The following UGT1A6 variants were observed in gnomAD, a reference collection of about 807,000 sequenced individuals.
UGT1A6 encodes the protein UDP-glucuronosyltransferase 1A6.
Under a neutral mutation model 44.4 loss-of-function variants are expected in UGT1A6, and 32 were observed. That is an observed-to-expected ratio of 0.72 (90% confidence interval 0.54 to 0.97). The LOEUF is 0.97. Among genes scored for constraint, UGT1A6 ranks in the 50% least tolerant of loss-of-function variants. UGT1A6 has a pLI of 0.00. For synonymous variants in UGT1A6, 238 were observed against 248.5 expected, an observed-to-expected ratio of 0.96 and a Z score of 0.40; for missense variants, 685 against 661.9, an observed-to-expected ratio of 1.03 and a Z score of -0.38.
intron 1 of UGT1A6, among the ~76,000 whole-genome samples, chr2:233,756,740 T>G (rs1165580582): frequency 6.6e-6 from 1 of 152,136 alleles, no homozygotes; most frequent in Non-Finnish European, 1.5e-5. Flanking sequence ...CTTCACCTCC[T>G]CCTTATTCTC....
At position 233,713,085 on chromosome 2, in the gene UGT1A6, C is replaced by T. The variant is rs148617766; in HGVS notation, c.861+19220C>T. On this transcript the variant is annotated intron_variant, in intron 1 of 4. Transcript: ENST00000305139. ...GCCCTGGGCTGAGAGTGGGAAGGTGCTGGTGGTGCCCACTGATGGCAGCCA... is the reference window on the plus strand; with the variant it reads ...GCCCTGGGCTGAGAGTGGGAAGGTGTTGGTGGTGCCCACTGATGGCAGCCA... 296 of 1,614,186 alleles carry T rather than the reference C, an allele frequency of 1.8e-4. No homozygotes were observed. In the African/African-American group the frequency reaches 3.6e-3, roughly 19 times the overall value.
At chr2:233,746,988 A>C (rs1194642713) in intron 1 of UGT1A6, among the ~76,000 whole-genome samples, 1 of 151,882 alleles carries the variant, frequency 6.6e-6, no homozygotes, top group Non-Finnish European at 1.5e-5. Context: ...GCGCAGGGTC[A>C]GATGAGTTTT....
Position 233,694,053 on chromosome 2 carries a change from G to A in UGT1A6, c.861+188G>A, listed in dbSNP as rs1403841501. Among the ~76,000 whole-genome samples the A allele has an allele frequency of 5.3e-5, 8 of 152,180 alleles. No homozygotes were observed. The South Asian group carries it at 8.3e-4, about 16-fold the overall frequency. ...AGGCTGAAGTGATACAGAGGCATTC[G>A]GATGAAGACAGGGCTCATGCTTGGC... On this transcript the variant is annotated intron_variant, in intron 1 of 4. Coordinates refer to ENST00000305139, the MANE Select transcript of UGT1A6 (RefSeq NM_001072.4).
intron 1 of UGT1A6, among the ~76,000 whole-genome samples, chr2:233,744,543 A>T (rs946291189): frequency 4.6e-5 from 7 of 152,050 alleles, no homozygotes; most frequent in East Asian, 1.9e-4. Flanking sequence ...TGTAAATTTT[A>T]TTAAGACAAA....
intron 1 of UGT1A6, chr2:233,761,004 G>A: frequency 6.2e-7 from 1 of 1,614,118 alleles, no homozygotes; most frequent in African/African-American, 1.3e-5. Flanking sequence ...AATTCCTTCA[G>A]AGAGAGGTGA....
At chr2:233,749,694 G>A (rs1268500408) in intron 1 of UGT1A6, among the ~76,000 whole-genome samples, 1 of 151,848 alleles carries the variant, frequency 6.6e-6, no homozygotes, top group Non-Finnish European at 1.5e-5. Flanking sequence ...AGGATCTGGT[G>A]GGAGGTGATT....
upstream of UGT1A6, chr2:233,692,853 GT>G: frequency 1.4e-6 from 2 of 1,463,024 alleles, no homozygotes; most frequent in Non-Finnish European, 1.8e-6. Flanking sequence ...ATTAATTTGG[GT>G]TCTTACATAT....
rs149243985 is a variant in UGT1A6, at chr2:233,751,326, T to A, written c.862-15708T>A. ...ATTTACCCAATTTCTGTACCCCCAT[T>A]GTGTCTTGGAAGTTACTTTTGATTT... On this transcript the variant is annotated intron_variant, in intron 1 of 4. Coordinates refer to ENST00000305139, the MANE Select transcript of UGT1A6 (RefSeq NM_001072.4). Among the ~76,000 whole-genome samples the A allele has an allele frequency of 2.6e-5, 4 of 152,018 alleles. No homozygotes were observed. The East Asian group carries it at 5.8e-4, about 22-fold the overall frequency.
intron 1 of UGT1A6, chr2:233,747,826 T>C: frequency 3.7e-6 from 6 of 1,613,534 alleles, no homozygotes; most frequent in Non-Finnish European, 5.1e-6. Context: ...TCAGACCACA[T>C]GACATTCCTG....
intron 1 of UGT1A6, among the ~76,000 whole-genome samples, chr2:233,726,748 C>G (rs1270676383): frequency 6.6e-6 from 1 of 152,206 alleles, no homozygotes; most frequent in Non-Finnish European, 1.5e-5. Context: ...GGCTGTGATT[C>G]TGCCTACCAC....
Position 233,722,490 on chromosome 2 carries a change from A to G in UGT1A6, c.861+28625A>G, listed in dbSNP as rs147045039. Among the ~76,000 whole-genome samples the G allele has an allele frequency of 2.3e-3, 357 of 152,016 alleles. 2 individuals are homozygous for G. Among genetic ancestry groups the G allele is most frequent in the East Asian group, 0.02 (103 of 5,174 alleles). ...ATTTGTATATTCTTTTCACTGTTTC[A>G]TTTTCCGTTTCGTTAATTGCAGCTT... On this transcript the variant is annotated intron_variant, in intron 1 of 4. Coordinates refer to ENST00000305139, the MANE Select transcript of UGT1A6 (RefSeq NM_001072.4).
At chr2:233,753,567 A>C (rs1321356357) in intron 1 of UGT1A6, 2 of 152,130 alleles carry the variant, frequency 1.3e-5, no homozygotes, top group African/African-American at 4.8e-5. Context: ...AGAAGATGGG[A>C]CCCTTTGTGA....
intron 1 of UGT1A6, chr2:233,743,889 C>T: frequency 7.3e-7 from 1 of 1,366,986 alleles, no homozygotes; most frequent in Non-Finnish European, 9.8e-7. Context: ...TGCCGGGGCA[C>T]GTCCAGCACC....
intron 1 of UGT1A6, among the ~76,000 whole-genome samples, chr2:233,701,144 A>C (rs188566548): frequency 6.6e-6 from 1 of 152,282 alleles, no homozygotes. Flanking sequence ...GTTGGTTCCA[A>C]GTCTTTGCTA....
At position 233,725,216 on chromosome 2, in the gene UGT1A6, AGAG is replaced by A. The variant is rs1223079485; in HGVS notation, c.861+31356_861+31358del. ...CAGAGGCAGAGGCAGAGGCAGAGGCAGAGGAGGCAGAGGCAGAGGAGGCAGAGG... is the reference window on the plus strand; with the variant it reads ...CAGAGGCAGAGGCAGAGGCAGAGGCAGAGGCAGAGGCAGAGGAGGCAGAGG... On this transcript the variant is annotated intron_variant, in intron 1 of 4. Transcript: ENST00000305139. 1.2e-3 allele frequency among the ~76,000 whole-genome samples: 54 copies of A among 45,286 alleles called. 21 individuals carry two copies. The highest frequency in any genetic ancestry group is 6.7e-3 in the African/African-American group (53 of 7,866). 29.7% of individuals were successfully genotyped at this position (45,286 alleles called of 152,430 possible). A position where few individuals can be genotyped will look rare whatever the true frequency, so the allele number is the denominator to read the frequency against.
At position 233,761,196 on chromosome 2, in the gene UGT1A6, T is replaced by C. The variant is rs761284519; in HGVS notation, c.862-5838T>C. 5.6e-6 allele frequency: 9 copies of C among 1,614,024 alleles called. No homozygotes were observed. The East Asian group carries it at 2.0e-4, about 36-fold the overall frequency. Reference sequence around the variant, plus strand: ...TTTTACATGCGTATATTCTTTCAGATGTATTACTTTGGATCGATTAACTAG... The same window carrying C: ...TTTTACATGCGTATATTCTTTCAGACGTATTACTTTGGATCGATTAACTAG... On this transcript the variant is annotated intron_variant, in intron 1 of 4. Transcript: ENST00000305139.
At chr2:233,747,235 C>G in intron 1 of UGT1A6, 2 of 1,604,608 alleles carry the variant, frequency 1.2e-6, no homozygotes. Flanking sequence ...ACCCCAGGTT[C>G]CCCTGCTGTG....
chr2:233,706,693 T>C (rs1230207600), intron 1 of UGT1A6, among the ~76,000 whole-genome samples: 1 of 152,202 alleles, frequency 6.6e-6, no homozygotes, highest in Non-Finnish European at 1.5e-5. Context: ...CTCCTTCTTG[T>C]CACTGAAAAG....
In UGT1A6 at chr2:233,728,580, C is replaced by T. The variant is rs28898616; in HGVS notation, c.861+34715C>T. ...ACAAGAAATATCCTGGTGCGAAAAA[C>T]GACCAAAACCACATAGCCAGCCTCC... On this transcript the variant is annotated intron_variant, in intron 1 of 4. Transcript: ENST00000305139. Among the ~76,000 whole-genome samples, 824 of 152,300 alleles carry T rather than the reference C, an allele frequency of 5.4e-3. 4 individuals are homozygous for T. Among genetic ancestry groups the T allele is most frequent in the African/African-American group, 0.019 (777 of 41,552 alleles).
Sources: gnomAD v4.1 joint callset for allele counts (sites outside exome capture counted in the v4.1 genomes callset) on GRCh38, gnomAD v4.1.1 for gene constraint, MANE v1.5 for transcripts, NCBI Gene and HGNC (gene_info 2026-07-23, HGNC 2026-07-21) for gene names.